Variants in SOX6 observed in about 807,000 individuals in gnomAD.
SOX6 encodes SRY-box transcription factor 6, also known as transcription factor SOX-6.
A neutral mutation model predicts 97.8 loss-of-function variants in SOX6; 11 were observed. That is an observed-to-expected ratio of 0.11 (90% confidence interval 0.07 to 0.19). The LOEUF is 0.19. SOX6 is among the 10% of genes least tolerant of loss of function. SOX6 has a pLI of 1.00. For missense variants in SOX6, 810 were observed against 1,039.5 expected (o/e 0.78, Z 3.04); for synonymous variants, 360 against 371.4 (o/e 0.97, Z 0.35).
At chr11:16,577,778 G>T (rs1847996931) in intron 4 of SOX6, among the ~76,000 whole-genome samples, 1 of 152,030 alleles carries the variant, frequency 6.6e-6, no homozygotes. Flanking sequence ...TTGGGTATTT[G>T]TCTTTTATTG....
At chr11:16,111,657 C>T (rs952110868) in intron 7 of SOX6, 146 bp downstream of exon 7, 2 of 1,106,236 alleles carry the variant, frequency 1.8e-6, no homozygotes, top group African/African-American at 1.6e-5. Context: ...GCCCACTCTT[C>T]CCAATTCTAA....
At chr11:16,562,878 AG>A (rs1242600070) in intron 4 of SOX6, among the ~76,000 whole-genome samples, 3 of 152,214 alleles carry the variant, frequency 2.0e-5, no homozygotes, top group Non-Finnish European at 4.4e-5. Flanking sequence ...CACCACCCAG[AG>A]GACCATCTGA....
chr11:16,448,189 A>T (rs564623975), intron 1 of SOX6, among the ~76,000 whole-genome samples: 1 of 152,312 alleles, frequency 6.6e-6, no homozygotes, highest in African/African-American at 2.4e-5. Context: ...GGTGGGCATG[A>T]AGTCAGCTGA....
intron 2 of SOX6, among the ~76,000 whole-genome samples, chr11:16,729,785 T>A (rs887734120): frequency 2.6e-5 from 4 of 151,870 alleles, no homozygotes; most frequent in African/African-American, 7.3e-5. Context: ...GACTGGCAAA[T>A]TGGATAAAGA....
chr11:16,673,703 T>C (rs1847863630), intron 3 of SOX6, among the ~76,000 whole-genome samples: 1 of 151,744 alleles, frequency 6.6e-6, no homozygotes, highest in Non-Finnish European at 1.5e-5. Flanking sequence ...CTCAAACTAT[T>C]CTAAAAAAAA....
At chr11:16,496,765 T>G (rs1441243215) in intron 4 of SOX6, among the ~76,000 whole-genome samples, 1 of 152,134 alleles carries the variant, frequency 6.6e-6, no homozygotes, top group Non-Finnish European at 1.5e-5. Flanking sequence ...GCAGCAAGGC[T>G]GGGGGAGGGG....
At chr11:16,693,104 G>T (rs1265963592) in intron 3 of SOX6, among the ~76,000 whole-genome samples, 1 of 152,082 alleles carries the variant, frequency 6.6e-6, no homozygotes, top group Non-Finnish European at 1.5e-5. Context: ...AATATTTTAA[G>T]CCCTATTCCT....
At chr11:16,381,008 T>TAA (rs11378206) in intron 1 of SOX6, among the ~76,000 whole-genome samples, 46 of 151,702 alleles carry the variant, frequency 3.0e-4, no homozygotes, top group African/African-American at 6.5e-4. Context: ...AAACTTACAG[T>TAA]AAAAAAATAG....
intron 4 of SOX6, among the ~76,000 whole-genome samples, chr11:16,527,170 G>C (rs996740930): frequency 2.1e-4 from 32 of 150,562 alleles, no homozygotes; most frequent in African/African-American, 7.0e-4. Context: ...GCACTGAAGA[G>C]GGAAAAAAAA....
At position 15,986,237 on chromosome 11, in the gene SOX6, C is replaced by T. The variant is rs1316410087; in HGVS notation, c.2150G>A (p.Arg717Gln). 3.1e-6 allele frequency: 5 copies of T among 1,614,102 alleles called. No homozygotes were observed. Among genetic ancestry groups the T allele is most frequent in the Middle Eastern group, 1.6e-4 (1 of 6,062 alleles). ...IGEYKQLMRS[R>Q]RQEMRQFFTV... ...AAAGAACTGCCTCATCTCCTGTCTC[C>T]GAGACCTCATCAGTTGCTTATACTC... is the stretch of plus-strand genomic sequence containing the variant. Residue 717 changes from arginine to glutamine, a missense_variant, in exon 15 of 16, where the codon CGG becomes CAG. By Grantham distance (43) the Arg-to-Gln change is conservative. Around this residue, in one of 9 missense-constraint regions of SOX6, gnomAD observed 122 missense variants for 153.4 expected, o/e 0.80. Coordinates refer to ENST00000683767, the MANE Select transcript of SOX6 (RefSeq NM_001367873.1).
At chr11:16,714,138 T>C (rs1848200672) in intron 3 of SOX6, among the ~76,000 whole-genome samples, 1 of 152,162 alleles carries the variant, frequency 6.6e-6, no homozygotes. Context: ...ACTTTTAGCA[T>C]TGCAACACTA....
intron 1 of SOX6, among the ~76,000 whole-genome samples, chr11:16,432,267 C>T (rs1250107687): frequency 6.6e-6 from 1 of 152,064 alleles, no homozygotes; most frequent in Non-Finnish European, 1.5e-5. Context: ...AATGAAAAGA[C>T]ATCAGCACCA....
chr11:16,558,960 G>A (rs1847778460), intron 4 of SOX6, among the ~76,000 whole-genome samples: 4 of 152,012 alleles, frequency 2.6e-5, no homozygotes. Context: ...GAACAATGCA[G>A]AAATTGTTTG....
intron 9 of SOX6, among the ~76,000 whole-genome samples, chr11:16,062,578 T>C (rs779445728): frequency 2.6e-5 from 4 of 151,724 alleles, no homozygotes; most frequent in Non-Finnish European, 5.9e-5. Flanking sequence ...ATATAGAATG[T>C]TTTTCCTGTT....
In SOX6 at chr11:16,273,400, T is replaced by C. The variant is rs539690365; in HGVS notation, c.446-38729A>G. 2.0e-5 allele frequency among the ~76,000 whole-genome samples: 3 copies of C among 151,984 alleles called. No homozygotes were observed. In the East Asian group the frequency reaches 5.8e-4, roughly 29 times the overall value. On this transcript the variant is annotated intron_variant, in intron 3 of 15. Coordinates refer to ENST00000683767, the MANE Select transcript of SOX6 (RefSeq NM_001367873.1). ...CACAGGGCTATTTCTGTCTGACAGA[T>C]GTAAATAATCTAGTCTATACAATAA...
chr11:16,462,105 T>C (rs575243226), intron 1 of SOX6, among the ~76,000 whole-genome samples: 1 of 152,230 alleles, frequency 6.6e-6, no homozygotes, highest in African/African-American at 2.4e-5. Context: ...AAAAAGGATT[T>C]GTCTTAACTG....
intron 4 of SOX6, among the ~76,000 whole-genome samples, chr11:16,219,863 G>C (rs1852487529): frequency 6.6e-6 from 1 of 151,898 alleles, no homozygotes; most frequent in African/African-American, 2.4e-5. Flanking sequence ...CTAGTACCTA[G>C]GGTGCTAGGC....
intron 9 of SOX6, among the ~76,000 whole-genome samples, chr11:16,067,333 C>A (rs1031479098): frequency 6.6e-6 from 1 of 152,124 alleles, no homozygotes; most frequent in African/African-American, 2.4e-5. Context: ...TGTGGAGGGA[C>A]CCAGTGAGAG....
At chr11:16,066,227 G>A (rs1276581600) in intron 9 of SOX6, among the ~76,000 whole-genome samples, 3 of 152,088 alleles carry the variant, frequency 2.0e-5, no homozygotes, top group African/African-American at 7.2e-5. Context: ...TCTCACCCCA[G>A]TTAAATGACT....
Sources: gnomAD v4.1 joint callset for allele counts (sites outside exome capture counted in the v4.1 genomes callset) on GRCh38, gnomAD v4.1.1 for gene constraint, gnomAD v4.1.1 regional missense constraint, MANE v1.5 for transcripts, NCBI Gene and HGNC (gene_info 2026-07-23, HGNC 2026-07-21) for gene names.